The following MDGA2 variants were observed in gnomAD, a reference collection of about 807,000 sequenced individuals.
MDGA2 encodes MAM domain containing glycosylphosphatidylinositol anchor 2.
MDGA2 carries 40 observed loss-of-function variants against 117.8 expected under a neutral mutation model. The ratio of observed to expected loss-of-function variants is 0.34; its 90% CI spans 0.26 to 0.44. MDGA2 has a LOEUF of 0.44. Ranked by LOEUF, MDGA2 falls within the 20% of genes least tolerant of loss-of-function variation. The pLI, the probability that MDGA2 is intolerant of heterozygous loss-of-function variation, is 1.00. For missense variants in MDGA2, 1,123 were observed against 1,250.6 expected, an observed-to-expected ratio of 0.90 and a Z score of 1.54; for synonymous variants, 452 against 439.0, an observed-to-expected ratio of 1.03 and a Z score of -0.37.
At chr14:47,249,024 TTG>T (rs1887351405) in intron 2 of MDGA2, among the ~76,000 whole-genome samples, 1 of 91,156 alleles carries the variant, frequency 1.1e-5, no homozygotes, top group African/African-American at 6.3e-5. Context: ...GTTGTTGTTG[TTG>T]TTTTTTGTTT....
intron 4 of MDGA2, among the ~76,000 whole-genome samples, chr14:47,136,078 G>A (rs895516287): frequency 6.6e-6 from 1 of 151,756 alleles, no homozygotes; most frequent in African/African-American, 2.4e-5. Flanking sequence ...TTCTCCTCTT[G>A]GAAGATACGT....
At chr14:47,096,457 T>C (rs1879973798) in intron 6 of MDGA2, among the ~76,000 whole-genome samples, 1 of 151,968 alleles carries the variant, frequency 6.6e-6, no homozygotes, top group Admixed American at 6.6e-5. Context: ...ATGATTGTAA[T>C]AGGGGCTCAA....
At chr14:47,346,301 A>G (rs1890761488) in intron 1 of MDGA2, among the ~76,000 whole-genome samples, 1 of 152,178 alleles carries the variant, frequency 6.6e-6, no homozygotes. Flanking sequence ...TAAGTAACAT[A>G]GCAAACATCC....
chr14:47,601,057 G>A (rs887778624), intron 1 of MDGA2, among the ~76,000 whole-genome samples: 1 of 152,138 alleles, frequency 6.6e-6, no homozygotes, highest in Non-Finnish European at 1.5e-5. Flanking sequence ...AGTACAGGCT[G>A]ACAAAATATT....
At chr14:47,549,737 G>A (rs895693800) in intron 1 of MDGA2, among the ~76,000 whole-genome samples, 2 of 152,056 alleles carry the variant, frequency 1.3e-5, no homozygotes, top group Non-Finnish European at 2.9e-5. Context: ...TATAAGCAGA[G>A]ACACCAAAGA....
At chr14:47,439,412 G>A (rs907465657) in intron 1 of MDGA2, among the ~76,000 whole-genome samples, 3 of 152,016 alleles carry the variant, frequency 2.0e-5, no homozygotes, top group African/African-American at 4.8e-5. Context: ...ATCACAAAAT[G>A]TGCATAGCAA....
intron 1 of MDGA2, among the ~76,000 whole-genome samples, chr14:47,431,179 G>T (rs112159205): frequency 0.012 from 1,802 of 151,978 alleles, 41 homozygotes; most frequent in African/African-American, 0.04. Flanking sequence ...ATTCCTGTAT[G>T]AATCCTTAGA....
chr14:47,422,270 A>G (rs569218847), intron 1 of MDGA2, among the ~76,000 whole-genome samples: 2 of 152,272 alleles, frequency 1.3e-5, no homozygotes, highest in East Asian at 1.9e-4. Flanking sequence ...TGACTTCCCA[A>G]TTACTTTTTT....
At chr14:46,897,996 C>A (rs984322373) in intron 10 of MDGA2, among the ~76,000 whole-genome samples, 19 of 151,780 alleles carry the variant, frequency 1.3e-4, no homozygotes, top group African/African-American at 4.6e-4. Context: ...TTTTTGAGTG[C>A]ATTATGTTTT....
intron 10 of MDGA2, among the ~76,000 whole-genome samples, chr14:46,887,510 G>A (rs565840438): frequency 2.0e-5 from 3 of 151,902 alleles, no homozygotes; most frequent in East Asian, 3.9e-4. Flanking sequence ...GAAATTAAAC[G>A]CCAGCATACA....
chr14:47,166,502 TAAC>T (rs1883883818), intron 3 of MDGA2, among the ~76,000 whole-genome samples: 1 of 152,214 alleles, frequency 6.6e-6, no homozygotes, highest in Admixed American at 6.5e-5. Context: ...TTCTTTCTTT[TAAC>T]AACATTGGCT....
chr14:47,153,975 A>G (rs1883266552), intron 3 of MDGA2, among the ~76,000 whole-genome samples: 1 of 152,168 alleles, frequency 6.6e-6, no homozygotes, highest in Admixed American at 6.5e-5. Context: ...CCTGTACTTT[A>G]CAGAGTGAAA....
intron 3 of MDGA2, among the ~76,000 whole-genome samples, chr14:47,210,153 A>G (rs1486776209): frequency 6.6e-6 from 1 of 152,212 alleles, no homozygotes; most frequent in African/African-American, 2.4e-5. Context: ...TCCCAGTTGA[A>G]AATGTAATAA....
intron 1 of MDGA2, among the ~76,000 whole-genome samples, chr14:47,525,740 T>C (rs372944397): frequency 6.7e-6 from 1 of 149,420 alleles, no homozygotes; most frequent in Non-Finnish European, 1.5e-5. Flanking sequence ...TTTTTTTTTT[T>C]CTCTCTCTCT....
intron 1 of MDGA2, among the ~76,000 whole-genome samples, chr14:47,405,455 C>G (rs1244548260): frequency 1.3e-5 from 2 of 152,116 alleles, no homozygotes; most frequent in East Asian, 1.9e-4. Context: ...ATTTCTCTTT[C>G]TCAACATATC....
intron 10 of MDGA2, among the ~76,000 whole-genome samples, chr14:46,885,029 G>C (rs1882618568): frequency 6.6e-6 from 1 of 151,866 alleles, no homozygotes; most frequent in African/African-American, 2.4e-5. Flanking sequence ...TGTATTTTTA[G>C]TAGAGACAGG....
chr14:47,479,529 C>G (rs1462711392), intron 1 of MDGA2, among the ~76,000 whole-genome samples: 1 of 152,130 alleles, frequency 6.6e-6, no homozygotes, highest in Non-Finnish European at 1.5e-5. Flanking sequence ...CAAGGACTTA[C>G]AGTGAAGACT....
chr14:47,556,161 C>T (rs1263776405), intron 1 of MDGA2, among the ~76,000 whole-genome samples: 2 of 152,078 alleles, frequency 1.3e-5, no homozygotes, highest in Admixed American at 6.6e-5. Context: ...TTAGGTTGTG[C>T]CTGGCTTCTA....
At chr14:47,506,578 C>T (rs946190160) in intron 1 of MDGA2, among the ~76,000 whole-genome samples, 10 of 152,218 alleles carry the variant, frequency 6.6e-5, no homozygotes, top group African/African-American at 2.4e-4. Context: ...ACTGCCTCTG[C>T]AACAGTGGCC....
Sources: gnomAD v4.1 joint callset for allele counts (sites outside exome capture counted in the v4.1 genomes callset) on GRCh38, gnomAD v4.1.1 for gene constraint, MANE v1.5 for transcripts, NCBI Gene and HGNC (gene_info 2026-07-23, HGNC 2026-07-21) for gene names.